Variants in DNAAF11 observed in about 807,000 individuals in gnomAD.
The protein encoded by DNAAF11 is leucine rich repeat containing 6.
A neutral mutation model predicts 60.8 loss-of-function variants in DNAAF11; 45 were observed. That is an observed-to-expected ratio of 0.74 (90% confidence interval 0.58 to 0.95). The LOEUF (loss-of-function observed/expected upper bound fraction) is 0.95, where lower values mean the gene tolerates loss of function less well. DNAAF11 is among the 40% of genes least tolerant of loss of function. The pLI is 0.00. For synonymous variants in DNAAF11, 191 were observed against 183.5 expected (o/e 1.04, Z -0.33); for missense variants, 546 against 546.2 (o/e 1.00, Z 0.00).
intron 8 of DNAAF11, among the ~76,000 whole-genome samples, chr8:132,613,867 A>C (rs1818896990): frequency 6.6e-6 from 1 of 152,216 alleles, no homozygotes; most frequent in Non-Finnish European, 1.5e-5. Context: ...GGCACATCAA[A>C]AGCCATTAAA....
the DNAAF11 span, among the ~76,000 whole-genome samples, chr8:132,683,391 T>C: frequency 1.3e-5 from 2 of 152,202 alleles, no homozygotes; most frequent in Non-Finnish European, 2.9e-5. Flanking sequence ...TGGCCCCCTC[T>C]GAGCCCATTG....
intron 10 of DNAAF11, among the ~76,000 whole-genome samples, chr8:132,594,756 TGA>T (rs1389867140): frequency 6.6e-6 from 1 of 152,158 alleles, no homozygotes; most frequent in Non-Finnish European, 1.5e-5. Flanking sequence ...CCGTCCACCA[TGA>T]GTGTAAGTTT....
chr8:132,648,610 C>T (rs1268122159), intron 3 of DNAAF11, among the ~76,000 whole-genome samples: 1 of 152,044 alleles, frequency 6.6e-6, no homozygotes, highest in Non-Finnish European at 1.5e-5. Flanking sequence ...TTTAGAAAAC[C>T]CCATTGTCTC....
intron 11 of DNAAF11, among the ~76,000 whole-genome samples, chr8:132,579,616 T>C (rs780626565): frequency 4.8e-4 from 73 of 152,148 alleles, no homozygotes; most frequent in Non-Finnish European, 9.8e-4. Context: ...ACAGTTATTC[T>C]TGTCAACTAC....
At chr8:132,648,805 G>T (rs1008769270) in intron 3 of DNAAF11, among the ~76,000 whole-genome samples, 4 of 152,122 alleles carry the variant, frequency 2.6e-5, no homozygotes, top group African/African-American at 9.7e-5. Context: ...ACTTACAAGG[G>T]ATGTGAAGGA....
chr8:132,654,804 T>G (rs1823383391), intron 3 of DNAAF11, among the ~76,000 whole-genome samples: 1 of 151,910 alleles, frequency 6.6e-6, no homozygotes, highest in East Asian at 1.9e-4. Context: ...TCATAGAATT[T>G]TATTTATGGC....
At chr8:132,594,814 C>A (rs950535880) in intron 10 of DNAAF11, among the ~76,000 whole-genome samples, 2 of 152,170 alleles carry the variant, frequency 1.3e-5, no homozygotes, top group African/African-American at 2.4e-5. Context: ...AATTAAACCT[C>A]TTTTCCTTAT....
intron 10 of DNAAF11, among the ~76,000 whole-genome samples, chr8:132,609,312 T>G (rs944266947): frequency 6.6e-6 from 1 of 151,620 alleles, no homozygotes; most frequent in African/African-American, 2.4e-5. Context: ...GTAAATGTTA[T>G]GTAAGTAGTT....
the DNAAF11 span, among the ~76,000 whole-genome samples, chr8:132,691,926 TGCAGCCGCCTC>T: frequency 1.3e-5 from 2 of 152,172 alleles, no homozygotes; most frequent in Admixed American, 1.3e-4. Flanking sequence ...ACGTGGGAGA[TGCAGCCGCCTC>T]GCCTATGATC....
At chr8:132,675,272 A>G in intron 1 of DNAAF11, 1 of 501,842 alleles carries the variant, frequency 2.0e-6, no homozygotes, top group Non-Finnish European at 3.6e-6. Flanking sequence ...CAGATTAGGA[A>G]CCTGAGCTGG....
At chr8:132,622,726 G>T in intron 6 of DNAAF11, 38 bp from the exon 7 acceptor site, 2 of 1,384,726 alleles carry the variant, frequency 1.4e-6, no homozygotes, top group Non-Finnish European at 2.0e-6. Flanking sequence ...TGGGCAGCAT[G>T]GAAAGAAAAA....
At chr8:132,606,879 A>G (rs1305902346) in intron 10 of DNAAF11, among the ~76,000 whole-genome samples, 1 of 152,234 alleles carries the variant, frequency 6.6e-6, no homozygotes, top group East Asian at 1.9e-4. Context: ...TAGCTGTATA[A>G]TGTATTTGGG....
chr8:132,675,517 C>A lies in DNAAF11; in HGVS notation c.-24G>T. On this transcript the variant is annotated 5_prime_UTR_variant, in exon 1 of 12. Coordinates refer to ENST00000620350, the MANE Select transcript of DNAAF11 (RefSeq NM_012472.6). ...ATGGCGCCTCTCCAGTTCGCTGACC[C>A]CGCAAGCCGGACCCGGACCTCGAAT... 1 of 1,556,738 alleles carries A rather than the reference C, an allele frequency of 6.4e-7. No individual in the cohort carries two copies. Among genetic ancestry groups the A allele is most frequent in the Non-Finnish European group, 8.7e-7 (1 of 1,146,704 alleles).
At chr8:132,620,281 GA>G (rs1327708248) in intron 7 of DNAAF11, among the ~76,000 whole-genome samples, 3 of 151,920 alleles carry the variant, frequency 2.0e-5, no homozygotes, top group African/African-American at 7.2e-5. Context: ...GAGGATGATG[GA>G]AAGAGAAAAA....
rs74831030 is a variant in DNAAF11, at chr8:132,655,613, A to G, written c.256+1217T>C. 4.5e-4 allele frequency among the ~76,000 whole-genome samples: 69 copies of G among 152,322 alleles called. No individual in the cohort carries two copies. In the East Asian group the frequency reaches 6.2e-3, roughly 14 times the overall value. ...ATATAAAGAACACTTGCAACTTAAC[A>G]GTAAAAAGACAAATAATATAACTAA... On this transcript the variant is annotated intron_variant, in intron 3 of 11. Transcript: ENST00000620350.
chr8:132,588,949 A>G (rs2131056268), intron 10 of DNAAF11, among the ~76,000 whole-genome samples: 1 of 152,224 alleles, frequency 6.6e-6, no homozygotes, highest in East Asian at 1.9e-4. Context: ...ATCACACAGC[A>G]CTAGGGGGAT....
intron 4 of DNAAF11, among the ~76,000 whole-genome samples, chr8:132,635,260 A>T (rs1360254864): frequency 1.3e-5 from 2 of 152,116 alleles, no homozygotes; most frequent in African/African-American, 2.4e-5. Flanking sequence ...ATCTTTCTTC[A>T]CCCAGGATTC....
At chr8:132,695,427 G>A in the DNAAF11 span, among the ~76,000 whole-genome samples, 2 of 152,274 alleles carry the variant, frequency 1.3e-5, no homozygotes, top group South Asian at 4.1e-4. Flanking sequence ...TTAGACAGCA[G>A]CAAGAACTTT....
At chr8:132,592,671 A>G (rs1224373993) in intron 10 of DNAAF11, among the ~76,000 whole-genome samples, 3 of 152,208 alleles carry the variant, frequency 2.0e-5, no homozygotes, top group Non-Finnish European at 4.4e-5. Flanking sequence ...TATATATTGA[A>G]ATAAAATATG....
Sources: allele counts gnomAD v4.1 joint callset (sites outside exome capture counted in the v4.1 genomes callset), GRCh38; gene constraint gnomAD v4.1.1; transcripts MANE v1.5; gene names NCBI Gene and HGNC (gene_info 2026-07-23, HGNC 2026-07-21).